The following AGPAT4 variants were observed in gnomAD, a reference collection of about 807,000 sequenced individuals.
AGPAT4 encodes the protein 1-acylglycerol-3-phosphate O-acyltransferase 4.
AGPAT4 carries 15 observed loss-of-function variants against 48.0 expected under a neutral mutation model. The ratio of observed to expected loss-of-function variants is 0.31; its 90% CI spans 0.21 to 0.48. AGPAT4 has a LOEUF of 0.48. Among genes scored for constraint, AGPAT4 ranks in the 20% least tolerant of loss-of-function variants. AGPAT4 has a pLI of 0.99. For missense variants in AGPAT4, 314 were observed against 482.5 expected, an observed-to-expected ratio of 0.65 and a Z score of 3.27; for synonymous variants, 178 against 198.7, an observed-to-expected ratio of 0.90 and a Z score of 0.88.
chr6:161,172,851 T>C (rs1780311496), intron 2 of AGPAT4, among the ~76,000 whole-genome samples: 1 of 151,324 alleles, frequency 6.6e-6, no homozygotes, highest in Non-Finnish European at 1.5e-5. Context: ...TGTCCAAGTG[T>C]TCTCATTGTT....
At position 161,236,145 on chromosome 6, in the gene AGPAT4, T is replaced by C. The variant is rs1782266187; in HGVS notation, c.-89-3843A>G. 2.0e-5 allele frequency among the ~76,000 whole-genome samples: 3 copies of C among 152,174 alleles called. No individual in the cohort carries two copies. The highest frequency in any genetic ancestry group is 2.4e-5 in the African/African-American group (1 of 41,428). ...AGTCTTTCCAGCAAATCCACTTCAG[T>C]GGCTTATTACATGAGGCAAGAATAT... On this transcript the variant is annotated intron_variant, in intron 1 of 8. Transcript: ENST00000320285. The surrounding 1 kb of genome is among the most constrained non-coding windows in gnomAD (Gnocchi z 5.0).
intron 1 of AGPAT4, among the ~76,000 whole-genome samples, chr6:161,271,803 A>G (rs9346848): frequency 6.6e-6 from 1 of 152,320 alleles, no homozygotes; most frequent in East Asian, 1.9e-4. Flanking sequence ...GAAACTCAAG[A>G]GAACCGACAT....
In AGPAT4 at chr6:161,144,720, T is replaced by C. The variant is rs142645084; in HGVS notation, c.843+1804A>G. 0.017 allele frequency among the ~76,000 whole-genome samples: 2,546 copies of C among 152,302 alleles called. 54 individuals are homozygous for C. Among genetic ancestry groups the C allele is most frequent in the African/African-American group, 0.043 (1,789 of 41,548 alleles). On this transcript the variant is annotated intron_variant, in intron 7 of 8. Coordinates refer to ENST00000320285, the MANE Select transcript of AGPAT4 (RefSeq NM_020133.3). The surrounding 1 kb of genome is among the most constrained non-coding windows in gnomAD (Gnocchi z 6.6). ...TCGGCTGGGCACGGTGGCTCACGCC[T>C]GTAATCCCAGCACTTTGGGAGGCCG...
chr6:161,145,998 T>C (rs761686151), intron 7 of AGPAT4, among the ~76,000 whole-genome samples: 3 of 151,606 alleles, frequency 2.0e-5, no homozygotes, highest in Non-Finnish European at 4.4e-5. Flanking sequence ...GCAAAGGCCT[T>C]GCTCAGAGAA....
Position 161,154,780 on chromosome 6 carries a change from C to T in AGPAT4, c.349-470G>A, listed in dbSNP as rs1271125014. Among the ~76,000 whole-genome samples, 4 of 152,240 alleles carry T rather than the reference C, an allele frequency of 2.6e-5. No homozygotes were observed. Among genetic ancestry groups the T allele is most frequent in the Admixed American group, 1.3e-4 (2 of 15,282 alleles). ...ATTCTTGATCGCTGAAAATGTCAAA[C>T]GCTAGAAAATGTAGCATTCCTAGGT... On this transcript the variant is annotated intron_variant, in intron 3 of 8. Coordinates refer to ENST00000320285, the MANE Select transcript of AGPAT4 (RefSeq NM_020133.3). The surrounding 1 kb of genome is among the most constrained non-coding windows in gnomAD (Gnocchi z 7.8).
In AGPAT4 at chr6:161,130,129, G is replaced by C. The variant is rs1778855173; in HGVS notation, c.*6411C>G. 6.6e-6 allele frequency: 1 copy of C among 152,182 alleles called. No individual in the cohort carries two copies. Among genetic ancestry groups the C allele is most frequent in the Admixed American group, 6.5e-5 (1 of 15,278 alleles). 9.4% of individuals were successfully genotyped at this position (152,182 alleles called of 1,614,324 possible). A position where few individuals can be genotyped will look rare whatever the true frequency, so the allele number is the denominator to read the frequency against. ...TGACAGAGCGACAGTACCCTAGGGT[G>C]ACATGACAGCCCATATATCAGTTCT... On this transcript the variant is annotated 3_prime_UTR_variant, in exon 9 of 9. Transcript: ENST00000320285.
chr6:161,199,653 G>A (rs115882289), intron 2 of AGPAT4, among the ~76,000 whole-genome samples: 1,824 of 152,220 alleles, frequency 0.012, 33 homozygotes, highest in African/African-American at 0.041. Flanking sequence ...TGGACCATGG[G>A]GTGGATTTCC....
intron 2 of AGPAT4, among the ~76,000 whole-genome samples, chr6:161,192,354 T>C (rs1166034590): frequency 2.6e-5 from 4 of 152,152 alleles, no homozygotes; most frequent in South Asian, 2.1e-4. Context: ...TTCCCCCATG[T>C]TGGCCAGTCT....
intron 2 of AGPAT4, among the ~76,000 whole-genome samples, chr6:161,192,142 CTTTTTTTTTT>C (rs573872820): frequency 2.2e-5 from 1 of 45,612 alleles, no homozygotes; most frequent in African/African-American, 1.1e-4. Flanking sequence ...AGAAGTTATA[CTTTTTTTTTT>C]TTTTTTTTTT....
Position 161,130,497 on chromosome 6 carries a change from T to C in AGPAT4, c.*6043A>G, listed in dbSNP as rs770121047. On this transcript the variant is annotated 3_prime_UTR_variant, in exon 9 of 9. Coordinates refer to ENST00000320285, the MANE Select transcript of AGPAT4 (RefSeq NM_020133.3). ...TCCTCAAAGATCATCCCTTAGTGGG[T>C]CACAGTAATCATGAACCCTGGGTAC... 1 of 164,064 alleles carries C rather than the reference T, an allele frequency of 6.1e-6. No individual in the cohort carries two copies. The highest frequency in any genetic ancestry group is 1.3e-5 in the Non-Finnish European group (1 of 74,648). The allele number at this position is 164,064 out of a possible 1,614,324, so 10.2% of individuals were successfully genotyped here.
In AGPAT4 at chr6:161,201,812, AG is replaced by A. The variant is rs1221271901; in HGVS notation, c.178+30223del. On this transcript the variant is annotated intron_variant, in intron 2 of 8. Coordinates refer to ENST00000320285, the MANE Select transcript of AGPAT4 (RefSeq NM_020133.3). The surrounding 1 kb of genome is among the most constrained non-coding windows in gnomAD (Gnocchi z 6.0). Reference sequence around the variant, plus strand: ...CTCTTCATTCTCTAACCAGTGCAAGAGGAAGTCCCATTTCACAGACAATTAA... The same window carrying A: ...CTCTTCATTCTCTAACCAGTGCAAGAGAAGTCCCATTTCACAGACAATTAA... Among the ~76,000 whole-genome samples, 1 of 152,220 alleles carries A rather than the reference AG, an allele frequency of 6.6e-6. No homozygotes were observed. Among genetic ancestry groups the A allele is most frequent in the Non-Finnish European group, 1.5e-5 (1 of 68,040 alleles).
chr6:161,145,407 A>G (rs1779390192), intron 7 of AGPAT4, among the ~76,000 whole-genome samples: 1 of 151,666 alleles, frequency 6.6e-6, no homozygotes, highest in African/African-American at 2.4e-5. Context: ...TACATAGGAA[A>G]GAGGCCCACA....
chr6:161,209,572 G>T (rs1781469152), intron 2 of AGPAT4, among the ~76,000 whole-genome samples: 1 of 152,130 alleles, frequency 6.6e-6, no homozygotes, highest in African/African-American at 2.4e-5. Flanking sequence ...CAGACCAGGA[G>T]AGACCTGAAT....
rs904726349 is a variant in AGPAT4, at chr6:161,238,628, C to T, written c.-89-6326G>A. Among the ~76,000 whole-genome samples, 4 of 152,164 alleles carry T rather than the reference C, an allele frequency of 2.6e-5. No individual in the cohort carries two copies. The highest frequency in any genetic ancestry group is 6.6e-5 in the Admixed American group (1 of 15,264). On this transcript the variant is annotated intron_variant, in intron 1 of 8. Transcript: ENST00000320285. The surrounding 1 kb of genome is among the most constrained non-coding windows in gnomAD (Gnocchi z 5.2). ...ACCTTCCTTAACTATGTAATCTTCC[C>T]AAAGCGTGGGATGGAGATGAGGTGA...
chr6:161,233,408 G>T lies in AGPAT4; in HGVS notation c.-89-1106C>A, dbSNP rs575936081. On this transcript the variant is annotated intron_variant, in intron 1 of 8. Coordinates refer to ENST00000320285, the MANE Select transcript of AGPAT4 (RefSeq NM_020133.3). This position sits in a 1 kb window ranked among gnomAD's most constrained non-coding sequence, Gnocchi z 5.4. ...ACCCCAGGAAGACGTCTAATGTTAC[G>T]ACAAACTTTCTAACAATAATAGTTG... 6.6e-6 allele frequency among the ~76,000 whole-genome samples: 1 copy of T among 152,160 alleles called. No homozygotes were observed. Among genetic ancestry groups the T allele is most frequent in the East Asian group, 1.9e-4 (1 of 5,204 alleles).
At position 161,234,044 on chromosome 6, in the gene AGPAT4, C is replaced by T. The variant is rs1013259033; in HGVS notation, c.-89-1742G>A. On this transcript the variant is annotated intron_variant, in intron 1 of 8. Transcript: ENST00000320285. The surrounding 1 kb of genome is among the most constrained non-coding windows in gnomAD (Gnocchi z 4.4). ...TTCTCCTGCACGTGTCAGGGGTGTT[C>T]TGCTCCTGAGATGTGAGGCGGGAGG... is the stretch of plus-strand genomic sequence containing the variant. Among the ~76,000 whole-genome samples, 17 of 152,284 alleles carry T rather than the reference C, an allele frequency of 1.1e-4. No homozygotes were observed. The highest frequency in any genetic ancestry group is 3.4e-4 in the African/African-American group (14 of 41,564).
rs988718776 is a variant in AGPAT4 at position 161,221,568 on chromosome 6, G to C, written c.178+10468C>G. 5.3e-5 allele frequency among the ~76,000 whole-genome samples: 8 copies of C among 152,168 alleles called. No individual in the cohort carries two copies. Among genetic ancestry groups the C allele is most frequent in the African/African-American group, 1.9e-4 (8 of 41,452 alleles). On this transcript the variant is annotated intron_variant, in intron 2 of 8. Coordinates refer to ENST00000320285, the MANE Select transcript of AGPAT4 (RefSeq NM_020133.3). This position sits in a 1 kb window ranked among gnomAD's most constrained non-coding sequence, Gnocchi z 4.5. ...CACTTTGGACTTCACCACCACAGTAGAAGAAAAGACTTAGAACGCAGACTG... is the reference window on the plus strand; with the variant it reads ...CACTTTGGACTTCACCACCACAGTACAAGAAAAGACTTAGAACGCAGACTG...
intron 4 of AGPAT4, 179 bp downstream of exon 4, chr6:161,153,970 G>T: frequency 1.2e-6 from 1 of 812,092 alleles, no homozygotes; most frequent in Non-Finnish European, 2.0e-6. Context: ...TGGCCCCACG[G>T]TCACACACGG....
Position 161,229,169 on chromosome 6 carries a change from A to T in AGPAT4, c.178+2867T>A, listed in dbSNP as rs1270789442. On this transcript the variant is annotated intron_variant, in intron 2 of 8. Coordinates refer to ENST00000320285, the MANE Select transcript of AGPAT4 (RefSeq NM_020133.3). This position sits in a 1 kb window ranked among gnomAD's most constrained non-coding sequence, Gnocchi z 6.0. ...TTAATGAGAAAAGAGACAAAGCCAT[A>T]GCTCTGCTAGAGGAAAGCGAACACA... Among the ~76,000 whole-genome samples the T allele has an allele frequency of 6.6e-6, 1 of 152,136 alleles. No homozygotes were observed. Among genetic ancestry groups the T allele is most frequent in the Non-Finnish European group, 1.5e-5 (1 of 68,026 alleles).
Sources: allele counts gnomAD v4.1 joint callset (sites outside exome capture counted in the v4.1 genomes callset), GRCh38; gene constraint gnomAD v4.1.1; non-coding constraint Gnocchi (gnomAD v3.1); transcripts MANE v1.5; gene names NCBI Gene and HGNC (gene_info 2026-07-23, HGNC 2026-07-21).